Variants in ZNF804B observed in about 807,000 individuals in gnomAD.
ZNF804B encodes the protein zinc finger 804B.
Under a neutral mutation model 101.4 loss-of-function variants are expected in ZNF804B, and 80 were observed. The ratio of observed to expected loss-of-function variants is 0.79; its 90% confidence interval spans 0.66 to 0.95. The LOEUF is 0.95. Among genes scored for constraint, ZNF804B ranks in the 40% least tolerant of loss-of-function variants. The pLI is 0.00. For synonymous variants in ZNF804B, 622 were observed against 558.8 expected, an observed-to-expected ratio of 1.11 and a Z score of -1.59; for missense variants, 1,673 against 1,561.9, an observed-to-expected ratio of 1.07 and a Z score of -1.20.
chr7:89,007,444 TTTTATATATATATATATATATA>T (rs1390349142), intron 1 of ZNF804B, among the ~76,000 whole-genome samples: 3 of 47,712 alleles, frequency 6.3e-5, no homozygotes, highest in African/African-American at 3.0e-4. Flanking sequence ...TTATCCATGA[TTTTATATATATATATATATATA>T]TATATATATA....
intron 1 of ZNF804B, among the ~76,000 whole-genome samples, chr7:88,839,185 T>C (rs1032722955): frequency 2.0e-5 from 3 of 152,020 alleles, no homozygotes; most frequent in African/African-American, 4.8e-5. Context: ...TTTAGAGTTA[T>C]AGAAAAACCT....
At chr7:89,041,997 A>C (rs2116250022) in intron 1 of ZNF804B, among the ~76,000 whole-genome samples, 1 of 152,314 alleles carries the variant, frequency 6.6e-6, no homozygotes, top group Middle Eastern at 3.4e-3. Context: ...AGTCATTTTT[A>C]AAATAAACTA....
At chr7:89,152,758 T>A (rs1790898747) in intron 1 of ZNF804B, among the ~76,000 whole-genome samples, 1 of 152,168 alleles carries the variant, frequency 6.6e-6, no homozygotes, top group Non-Finnish European at 1.5e-5. Flanking sequence ...TATTTTCTTT[T>A]TCTACAATTA....
chr7:89,043,868 C>T (rs1789057318), intron 1 of ZNF804B, among the ~76,000 whole-genome samples: 1 of 152,054 alleles, frequency 6.6e-6, no homozygotes, highest in Admixed American at 6.5e-5. Flanking sequence ...ATAAGACCAG[C>T]TTCAGTGAAT....
rs201719120 is a variant in ZNF804B at position 89,218,106 on chromosome 7, A to G, written c.109-49A>G. On this transcript the variant is annotated intron_variant, in intron 1 of 3. Transcript: ENST00000333190. ...ACCTTGATTAATACGAGATCTGGTTATGCTATTAGAGAGAAGTCTAACCAA... is the reference window on the plus strand; with the variant it reads ...ACCTTGATTAATACGAGATCTGGTTGTGCTATTAGAGAGAAGTCTAACCAA... 1.3e-5 allele frequency: 21 copies of G among 1,562,816 alleles called. No individual in the cohort carries two copies. The Admixed American group carries it at 2.6e-4, about 19-fold the overall frequency.
chr7:89,104,197 T>C (rs981884703), intron 1 of ZNF804B, among the ~76,000 whole-genome samples: 1 of 152,062 alleles, frequency 6.6e-6, no homozygotes, highest in Admixed American at 6.6e-5. Context: ...TTGTCTTTTT[T>C]TGTTGTTGTG....
At chr7:89,135,560 G>A (rs1156738860) in intron 1 of ZNF804B, among the ~76,000 whole-genome samples, 1 of 151,950 alleles carries the variant, frequency 6.6e-6, no homozygotes, top group Non-Finnish European at 1.5e-5. Context: ...GTCTTTGTTA[G>A]GTTGTAAATT....
chr7:88,879,676 T>C lies in ZNF804B; in HGVS notation c.108+119592T>C, dbSNP rs1008804250. Among the ~76,000 whole-genome samples the C allele has an allele frequency of 2.0e-5, 3 of 152,172 alleles. No homozygotes were observed. In the East Asian group the frequency reaches 5.8e-4, roughly 29 times the overall value. On this transcript the variant is annotated intron_variant, in intron 1 of 3. Transcript: ENST00000333190. ...ATTAGGAGAGGTTTAAAAATCTTTC[T>C]GGACCGCACCCTGTGGAAATTCAAT...
At chr7:89,167,398 G>A (rs967338133) in intron 1 of ZNF804B, among the ~76,000 whole-genome samples, 27 of 151,940 alleles carry the variant, frequency 1.8e-4, no homozygotes, top group African/African-American at 6.0e-4. Context: ...AGCCACGATC[G>A]TGCCATTGCA....
At chr7:89,260,261 A>G (rs1584088926) in intron 2 of ZNF804B, among the ~76,000 whole-genome samples, 1 of 152,188 alleles carries the variant, frequency 6.6e-6, no homozygotes, top group East Asian at 1.9e-4. Flanking sequence ...GTGCATTTAC[A>G]GTAAACAGTA....
rs10233047 is a variant in ZNF804B, at chr7:88,882,386, G to A, written c.108+122302G>A. On this transcript the variant is annotated intron_variant, in intron 1 of 3. Coordinates refer to ENST00000333190, the MANE Select transcript of ZNF804B (RefSeq NM_181646.5). ...AGTAAAAACTTACAGTTATTGGTGA[G>A]GCTGCAGAGAAAAGGGGACGCTTAT... Among the ~76,000 whole-genome samples, 369 of 152,216 alleles carry A rather than the reference G, an allele frequency of 2.4e-3. 2 individuals carry two copies. The highest frequency in any genetic ancestry group is 8.5e-3 in the African/African-American group (354 of 41,548).
chr7:89,059,472 TAAAC>T (rs1789343392), intron 1 of ZNF804B, among the ~76,000 whole-genome samples: 1 of 151,938 alleles, frequency 6.6e-6, no homozygotes, highest in Non-Finnish European at 1.5e-5. Context: ...CTTAGACTCT[TAAAC>T]AACCAGATCC....
At chr7:89,319,530 T>C (rs1439284518) in intron 2 of ZNF804B, among the ~76,000 whole-genome samples, 1 of 152,162 alleles carries the variant, frequency 6.6e-6, no homozygotes, top group South Asian at 2.1e-4. Flanking sequence ...GAGAAAGATA[T>C]AGCTCTACTC....
At chr7:89,113,679 G>A (rs575837599) in intron 1 of ZNF804B, among the ~76,000 whole-genome samples, 2 of 152,200 alleles carry the variant, frequency 1.3e-5, no homozygotes, top group East Asian at 1.9e-4. Flanking sequence ...CAGGCCAGGC[G>A]CTGTGGCTCA....
At chr7:89,172,241 AC>A (rs1584031582) in intron 1 of ZNF804B, among the ~76,000 whole-genome samples, 2 of 152,134 alleles carry the variant, frequency 1.3e-5, no homozygotes, top group African/African-American at 4.8e-5. Flanking sequence ...GTAAAATATG[AC>A]TTTTTGACAA....
chr7:88,856,343 T>G (rs1791559058), intron 1 of ZNF804B, among the ~76,000 whole-genome samples: 1 of 152,196 alleles, frequency 6.6e-6, no homozygotes, highest in South Asian at 2.1e-4. Flanking sequence ...GTTGTATTCA[T>G]AGGTATTTTA....
At chr7:89,140,259 AG>A (rs1562895042) in intron 1 of ZNF804B, among the ~76,000 whole-genome samples, 3 of 151,836 alleles carry the variant, frequency 2.0e-5, no homozygotes, top group Non-Finnish European at 4.4e-5. Flanking sequence ...ATAGAGCACA[AG>A]CAAAGCAGAT....
At chr7:88,856,385 A>C (rs1425059108) in intron 1 of ZNF804B, among the ~76,000 whole-genome samples, 1 of 152,080 alleles carries the variant, frequency 6.6e-6, no homozygotes. Flanking sequence ...ATGGGAGTTC[A>C]CTCATGATTT....
intron 1 of ZNF804B, among the ~76,000 whole-genome samples, chr7:88,884,269 TTTATA>T (rs1204821722): frequency 6.6e-6 from 1 of 151,798 alleles, no homozygotes; most frequent in Non-Finnish European, 1.5e-5. Context: ...GTAGCCATTA[TTTATA>T]TTATATGTAT....
Sources: allele counts gnomAD v4.1 joint callset (sites outside exome capture counted in the v4.1 genomes callset), GRCh38; gene constraint gnomAD v4.1.1; transcripts MANE v1.5; gene names NCBI Gene and HGNC (gene_info 2026-07-23, HGNC 2026-07-21).